PCCB: variants seen among roughly 807,000 people sequenced by gnomAD.
PCCB encodes the protein propionyl-CoA carboxylase beta chain, mitochondrial.
PCCB carries 43 observed loss-of-function variants against 60.7 expected under a neutral mutation model. That is an observed-to-expected ratio of 0.71 (90% CI 0.55 to 0.91). The LOEUF is 0.91. PCCB is among the 40% of genes least tolerant of loss of function. PCCB has a pLI of 0.00. For missense variants in PCCB, 766 were observed against 702.8 expected (o/e 1.09, Z -1.02); for synonymous variants, 276 against 255.9 (o/e 1.08, Z -0.75).
chr3:136,291,812 A>G (rs1933706516), intron 6 of PCCB, among the ~76,000 whole-genome samples: 1 of 152,190 alleles, frequency 6.6e-6, no homozygotes, highest in Admixed American at 6.5e-5. Context: ...GCATGTCAGA[A>G]GCATGAGGGA....
chr3:136,301,163 G>A (rs535272730), intron 9 of PCCB, 52 bp downstream of exon 9: 2 of 1,432,096 alleles, frequency 1.4e-6, no homozygotes, highest in East Asian at 4.5e-5. Flanking sequence ...ACATTCATGG[G>A]CATTGTGCTT....
intron 5 of PCCB, among the ~76,000 whole-genome samples, chr3:136,279,560 C>T (rs1038685609): frequency 6.6e-6 from 1 of 152,086 alleles, no homozygotes; most frequent in Admixed American, 6.5e-5. Flanking sequence ...TGTAACTCTC[C>T]ATCCTTCCTT....
chr3:136,254,899 G>A (rs1941627489), intron 1 of PCCB, among the ~76,000 whole-genome samples: 2 of 149,962 alleles, frequency 1.3e-5, no homozygotes, highest in South Asian at 4.2e-4. Flanking sequence ...TTTTGGGACG[G>A]AGTTTCACTT....
At chr3:136,300,904 G>C (rs1934246330) in intron 8 of PCCB, 126 bp from the exon 9 acceptor site, 1 of 733,194 alleles carries the variant, frequency 1.4e-6, no homozygotes, top group Non-Finnish European at 2.5e-6. Flanking sequence ...TGCTTTGTAA[G>C]CCCAGCAGGG....
intron 9 of PCCB, among the ~76,000 whole-genome samples, chr3:136,302,176 G>A (rs1291138772): frequency 1.5e-5 from 1 of 65,616 alleles, no homozygotes; most frequent in Non-Finnish European, 4.4e-5. Context: ...CCCGGCTCCT[G>A]CAAGCTGTGT....
intron 9 of PCCB, among the ~76,000 whole-genome samples, chr3:136,307,792 A>G (rs1316105732): frequency 6.6e-6 from 1 of 152,048 alleles, no homozygotes; most frequent in Non-Finnish European, 1.5e-5. Flanking sequence ...CCTGACCAAC[A>G]TGGAGAAACC....
Position 136,300,276 on chromosome 3 carries a change from G to C in PCCB, c.885-754G>C, listed in dbSNP as rs148409110. On this transcript the variant is annotated intron_variant, in intron 8 of 14. Transcript: ENST00000251654. ...TAGAGCTTTTTGCGAAGTTGGGCTT[G>C]ATGGACACATGGCCTGACCCAAGGC... is the stretch of plus-strand genomic sequence containing the variant. Among the ~76,000 whole-genome samples the C allele has an allele frequency of 3.9e-3, 596 of 152,316 alleles. 2 individuals carry two copies. The highest frequency in any genetic ancestry group is 0.031 in the Middle Eastern group (9 of 294).
chr3:136,265,947 T>G (rs1326759454), intron 5 of PCCB, among the ~76,000 whole-genome samples: 1 of 151,708 alleles, frequency 6.6e-6, no homozygotes, highest in Non-Finnish European at 1.5e-5. Context: ...TGCCTGAGCC[T>G]CCCGAGTAGC....
intron 3 of PCCB, chr3:136,260,200 A>G: frequency 2.1e-6 from 1 of 485,602 alleles, no homozygotes; most frequent in South Asian, 2.0e-5. Flanking sequence ...CAGCCTCCCG[A>G]GTAGCTGGGA....
In PCCB at chr3:136,330,103, T is replaced by C; in HGVS notation, c.*77T>C. On this transcript the variant is annotated 3_prime_UTR_variant, in exon 15 of 15. Transcript: ENST00000251654. The stretch of plus-strand genomic sequence containing the variant: ...ATCCCATTCCTGCCTTTTGCAATCA[T>C]GAAACCTGGGAATCCAAATAGTTGG... 1 of 1,609,022 alleles carries C rather than the reference T, an allele frequency of 6.2e-7. No homozygotes were observed. Among genetic ancestry groups the C allele is most frequent in the Non-Finnish European group, 8.5e-7 (1 of 1,177,160 alleles).
chr3:136,326,481 C>CT (rs1935314472), intron 10 of PCCB: 2 of 683,406 alleles, frequency 2.9e-6, no homozygotes, highest in African/African-American at 3.5e-5. Flanking sequence ...TGAGGACTCT[C>CT]TAAGACCAGC....
chr3:136,295,897 T>G (rs1933911631), intron 7 of PCCB, among the ~76,000 whole-genome samples: 1 of 152,124 alleles, frequency 6.6e-6, no homozygotes, highest in Non-Finnish European at 1.5e-5. Flanking sequence ...CATTAAAGTT[T>G]CTTCTGTAGC....
intron 5 of PCCB, among the ~76,000 whole-genome samples, chr3:136,268,100 A>ATG (rs1942074743): frequency 9.4e-5 from 6 of 63,610 alleles, no homozygotes; most frequent in East Asian, 1.9e-3. Context: ...ATATATATAT[A>ATG]TATATATATA....
At chr3:136,309,256 C>A (rs1288342203) in intron 9 of PCCB, among the ~76,000 whole-genome samples, 6 of 142,776 alleles carry the variant, frequency 4.2e-5, no homozygotes, top group Non-Finnish European at 6.1e-5. Context: ...GAGCAAGACT[C>A]CATCTCAAAA....
intron 6 of PCCB, 49 bp from the exon 7 acceptor site, chr3:136,293,707 C>G (rs1232163590): frequency 8.7e-7 from 1 of 1,155,898 alleles, no homozygotes; most frequent in East Asian, 2.3e-5. Flanking sequence ...AAGGCTGTGA[C>G]CAGCTCTGGT....
intron 3 of PCCB, among the ~76,000 whole-genome samples, chr3:136,257,881 C>T (rs1028284176): frequency 2.0e-5 from 3 of 152,048 alleles, no homozygotes; most frequent in African/African-American, 7.2e-5. Flanking sequence ...TGCAGTGAGC[C>T]GAGTTTGCGC....
At chr3:136,328,884 CTTTG>C (rs776526816) in intron 14 of PCCB, 27 bp downstream of exon 14, 166 of 1,545,376 alleles carry the variant, frequency 1.1e-4, no homozygotes, top group East Asian at 2.5e-4. Context: ...AAGAGGGCAG[CTTTG>C]TTTGTTTGGT....
chr3:136,279,914 T>C (rs941933951), intron 5 of PCCB, among the ~76,000 whole-genome samples: 3 of 152,052 alleles, frequency 2.0e-5, no homozygotes, highest in African/African-American at 7.2e-5. Flanking sequence ...GATCTGCCCG[T>C]CTCGGCCTCC....
intron 10 of PCCB, among the ~76,000 whole-genome samples, chr3:136,323,049 A>G (rs1228581006): frequency 2.1e-5 from 3 of 145,826 alleles, no homozygotes; most frequent in African/African-American, 7.6e-5. Flanking sequence ...GTCTTTCAGT[A>G]ATTTGACTAT....
Sources: gnomAD v4.1 joint callset for allele counts (sites outside exome capture counted in the v4.1 genomes callset) on GRCh38, gnomAD v4.1.1 for gene constraint, MANE v1.5 for transcripts, NCBI Gene and HGNC (gene_info 2026-07-23, HGNC 2026-07-21) for gene names.